CHST11: variants seen among roughly 807,000 people sequenced by gnomAD.
CHST11 encodes C4S-1.
CHST11 carries 9 observed loss-of-function variants against 30.4 expected under a neutral mutation model. The observed-to-expected ratio is 0.30, with a 90% CI of 0.18 to 0.52. The LOEUF (loss-of-function observed/expected upper bound fraction) is 0.52, where lower values mean the gene tolerates loss of function less well. Among genes scored for constraint, CHST11 ranks in the 20% least tolerant of loss-of-function variants. CHST11 has a pLI of 0.97. For synonymous variants in CHST11, 152 were observed against 187.8 expected (o/e 0.81, Z 1.56); for missense variants, 348 against 460.6 (o/e 0.76, Z 2.24).
At chr12:104,559,470 C>A (rs1028860289) in intron 1 of CHST11, among the ~76,000 whole-genome samples, 5 of 152,200 alleles carry the variant, frequency 3.3e-5, no homozygotes, top group African/African-American at 7.2e-5. Context: ...CGGCTGGGCG[C>A]GGTGGCCCAT....
intron 1 of CHST11, chr12:104,514,230 A>G (rs1390265437): frequency 1.0e-5 from 9 of 878,756 alleles, no homozygotes; most frequent in Non-Finnish European, 7.8e-6. Context: ...CACAGCAGCC[A>G]AGTTTATTGG....
intron 1 of CHST11, among the ~76,000 whole-genome samples, chr12:104,543,748 C>T (rs1386474439): frequency 2.0e-5 from 3 of 152,178 alleles, no homozygotes; most frequent in Admixed American, 6.5e-5. Context: ...CCTTACCCAT[C>T]TCCCCTGCCC....
At chr12:104,633,317 T>C (rs1592806194) in intron 2 of CHST11, among the ~76,000 whole-genome samples, 1 of 151,984 alleles carries the variant, frequency 6.6e-6, no homozygotes, top group Non-Finnish European at 1.5e-5. Flanking sequence ...CATTATTCTA[T>C]GAATATATAT....
At chr12:104,745,941 G>A (rs1180049293) in intron 2 of CHST11, among the ~76,000 whole-genome samples, 2 of 152,106 alleles carry the variant, frequency 1.3e-5, no homozygotes, top group Non-Finnish European at 2.9e-5. Context: ...TCCTTCTCTT[G>A]CCTGATCACC....
At chr12:104,487,936 C>T (rs1407745780) in intron 1 of CHST11, among the ~76,000 whole-genome samples, 2 of 150,932 alleles carry the variant, frequency 1.3e-5, no homozygotes, top group Non-Finnish European at 3.0e-5. Context: ...TGAGACAGAG[C>T]CTTACTTTGT....
In CHST11 at chr12:104,605,655, C is replaced by T. The variant is rs1485987167; in HGVS notation, c.204+3664C>T. Among the ~76,000 whole-genome samples the T allele has an allele frequency of 2.0e-5, 3 of 152,186 alleles. No homozygotes were observed. In the East Asian group the frequency reaches 5.8e-4, roughly 29 times the overall value. ...CTGTACTCTGATGTCTTATAATTTT[C>T]CTGGTTCTCTGCTGTTTCCTTGGCC... On this transcript the variant is annotated intron_variant, in intron 2 of 2. Coordinates refer to ENST00000303694, the MANE Select transcript of CHST11 (RefSeq NM_018413.6).
Position 104,504,426 on chromosome 12 carries a change from T to C in CHST11, c.118+46897T>C, listed in dbSNP as rs976429209. Among the ~76,000 whole-genome samples the C allele has an allele frequency of 7.9e-5, 12 of 152,350 alleles. No individual in the cohort carries two copies. In the South Asian group the frequency reaches 2.3e-3, roughly 29 times the overall value. Reference sequence around the variant, plus strand: ...ACTGCTGAGTCCTGTTTCTTCGATGTCACCTCAGTGGCAGCAGGTGGGCAG... The same window carrying C: ...ACTGCTGAGTCCTGTTTCTTCGATGCCACCTCAGTGGCAGCAGGTGGGCAG... On this transcript the variant is annotated intron_variant, in intron 1 of 2. Transcript: ENST00000303694.
At chr12:104,682,182 G>A (rs532496450) in intron 2 of CHST11, among the ~76,000 whole-genome samples, 131 of 152,260 alleles carry the variant, frequency 8.6e-4, no homozygotes, top group African/African-American at 2.4e-3. Context: ...GACAAATGCC[G>A]AAATAATATA....
At chr12:104,598,476 C>G (rs1285712580) in intron 1 of CHST11, among the ~76,000 whole-genome samples, 1 of 152,004 alleles carries the variant, frequency 6.6e-6, no homozygotes, top group Non-Finnish European at 1.5e-5. Flanking sequence ...AATCAGAAAG[C>G]ATAAAGAGTA....
intron 2 of CHST11, among the ~76,000 whole-genome samples, chr12:104,688,869 C>A (rs1461155359): frequency 1.3e-5 from 2 of 152,154 alleles, no homozygotes; most frequent in East Asian, 3.8e-4. Flanking sequence ...GCCTGCAGGC[C>A]CAGCTCCTCA....
At chr12:104,622,594 AG>A (rs2039170797) in intron 2 of CHST11, among the ~76,000 whole-genome samples, 1 of 152,196 alleles carries the variant, frequency 6.6e-6, no homozygotes, top group African/African-American at 2.4e-5. Context: ...AATAAATGTC[AG>A]GTAAGGCTAA....
At chr12:104,663,688 G>C (rs2039617895) in intron 2 of CHST11, among the ~76,000 whole-genome samples, 1 of 152,186 alleles carries the variant, frequency 6.6e-6, no homozygotes, top group African/African-American at 2.4e-5. Flanking sequence ...GTTTGCCCAA[G>C]TGCATTGTGC....
chr12:104,619,538 C>T (rs34016841), intron 2 of CHST11, among the ~76,000 whole-genome samples: 7,424 of 152,198 alleles, frequency 0.049, 462 homozygotes, highest in African/African-American at 0.15. Context: ...TTCGAGCGCT[C>T]TCTTCTAAGC....
At chr12:104,731,507 G>A (rs914075959) in intron 2 of CHST11, among the ~76,000 whole-genome samples, 3 of 152,200 alleles carry the variant, frequency 2.0e-5, no homozygotes, top group Non-Finnish European at 4.4e-5. Context: ...GAGAAGAGGG[G>A]AGAACCTGGT....
chr12:104,520,975 A>C (rs2135988007), intron 1 of CHST11, among the ~76,000 whole-genome samples: 1 of 152,340 alleles, frequency 6.6e-6, no homozygotes, highest in Middle Eastern at 3.4e-3. Flanking sequence ...GGTGGATTTA[A>C]AAAATCTATT....
chr12:104,602,935 C>G (rs983252467), intron 2 of CHST11, among the ~76,000 whole-genome samples: 6 of 151,944 alleles, frequency 3.9e-5, no homozygotes, highest in African/African-American at 1.5e-4. Context: ...CCCCTACCCC[C>G]CTTCCCAATC....
chr12:104,595,998 G>T (rs2038903201), intron 1 of CHST11, among the ~76,000 whole-genome samples: 1 of 152,198 alleles, frequency 6.6e-6, no homozygotes, highest in Non-Finnish European at 1.5e-5. Flanking sequence ...AGACTGGTTG[G>T]TCACTCTAGT....
rs1195689454 is a variant in CHST11 at position 104,610,471 on chromosome 12, G to A, written c.204+8480G>A. 2.6e-5 allele frequency among the ~76,000 whole-genome samples: 4 copies of A among 152,118 alleles called. 1 individual carries two copies. Among genetic ancestry groups the A allele is most frequent in the Admixed American group, 2.6e-4 (4 of 15,258 alleles). The stretch of plus-strand genomic sequence containing the variant: ...ATCTGACATATTTAAACTGGAGAAG[G>A]GCATTCAAGTGACCAAATGACCTCG... On this transcript the variant is annotated intron_variant, in intron 2 of 2. Coordinates refer to ENST00000303694, the MANE Select transcript of CHST11 (RefSeq NM_018413.6).
intron 1 of CHST11, among the ~76,000 whole-genome samples, chr12:104,531,333 G>T (rs1278205738): frequency 6.6e-6 from 1 of 151,920 alleles, no homozygotes; most frequent in Non-Finnish European, 1.5e-5. Context: ...TACAAAAAAT[G>T]TAAAAAATTA....
Sources: gnomAD v4.1 joint callset for allele counts (sites outside exome capture counted in the v4.1 genomes callset) on GRCh38, gnomAD v4.1.1 for gene constraint, MANE v1.5 for transcripts, NCBI Gene and HGNC (gene_info 2026-07-23, HGNC 2026-07-21) for gene names.